The following CRHR1 variants were observed in gnomAD, a reference collection of about 807,000 sequenced individuals.
CRHR1 encodes the protein corticotropin-releasing hormone receptor 1.
CRHR1 carries 28 observed loss-of-function variants against 56.0 expected under a neutral mutation model. That is an observed-to-expected ratio of 0.50 (90% CI 0.37 to 0.69). CRHR1 has a LOEUF of 0.69. CRHR1 is among the 30% of genes least tolerant of loss of function. The pLI, the probability that CRHR1 is intolerant of heterozygous loss-of-function variation, is 0.00. For missense variants in CRHR1, 376 were observed against 548.0 expected (o/e 0.69, Z 3.13); for synonymous variants, 195 against 216.5 (o/e 0.90, Z 0.87).
chr17:45,804,373 G>A (rs916809844), intron 1 of CRHR1, among the ~76,000 whole-genome samples: 5 of 152,128 alleles, frequency 3.3e-5, no homozygotes, highest in Middle Eastern at 3.2e-3. Flanking sequence ...AGGCACTACC[G>A]ACTCGGGGGA....
At chr17:45,833,592 T>A in intron 10 of CRHR1, 55 bp downstream of exon 10, 1 of 1,596,082 alleles carries the variant, frequency 6.3e-7, no homozygotes, top group Non-Finnish European at 8.6e-7. Flanking sequence ...CTGCTCCCCA[T>A]GCCTCTCACG....
At chr17:45,832,382 GC>G (rs2062334048) in intron 8 of CRHR1, among the ~76,000 whole-genome samples, 1 of 152,250 alleles carries the variant, frequency 6.6e-6, no homozygotes, top group East Asian at 1.9e-4. Flanking sequence ...CAGACCAGAG[GC>G]CCGAGGACTG....
At chr17:45,818,964 CT>C (rs1301497103) in intron 3 of CRHR1, among the ~76,000 whole-genome samples, 10 of 152,184 alleles carry the variant, frequency 6.6e-5, no homozygotes, top group African/African-American at 2.2e-4. Context: ...GGCCTGCTTT[CT>C]TTCGGATCAC....
intron 1 of CRHR1, among the ~76,000 whole-genome samples, chr17:45,806,691 G>T (rs2061726412): frequency 6.6e-6 from 1 of 152,170 alleles, no homozygotes; most frequent in Non-Finnish European, 1.5e-5. Context: ...TGGGGATGGA[G>T]GTGGCTTCCT....
chr17:45,817,896 C>T (rs1252103629), intron 3 of CRHR1, among the ~76,000 whole-genome samples: 2 of 152,138 alleles, frequency 1.3e-5, no homozygotes. Context: ...GGCCAGCCCC[C>T]AATATAGTCA....
intron 3 of CRHR1, 131 bp from the exon 4 acceptor site, chr17:45,821,224 C>T (rs2062033219): frequency 1.1e-5 from 9 of 807,334 alleles, no homozygotes; most frequent in Non-Finnish European, 1.7e-5. Flanking sequence ...CCCAGCTTCA[C>T]TACACAACCC....
At chr17:45,804,818 ATTTTTT>A (rs59708339) in intron 1 of CRHR1, among the ~76,000 whole-genome samples, 1 of 144,896 alleles carries the variant, frequency 6.9e-6, no homozygotes, top group African/African-American at 2.5e-5. Flanking sequence ...GCAATAGATA[ATTTTTT>A]TTTTTTTTGA....
intron 4 of CRHR1, among the ~76,000 whole-genome samples, chr17:45,823,727 C>T (rs1349080221): frequency 6.6e-6 from 1 of 152,212 alleles, no homozygotes; most frequent in Admixed American, 6.5e-5. Flanking sequence ...CACTTTCCTT[C>T]ACCTGTAGCT....
chr17:45,784,936 G>C lies in CRHR1; in HGVS notation c.33+359G>C, dbSNP rs923954838. On this transcript the variant is annotated intron_variant, in intron 1 of 12. Transcript: ENST00000314537. This position sits in a 1 kb window ranked among gnomAD's most constrained non-coding sequence, Gnocchi z 4.2. The stretch of plus-strand genomic sequence containing the variant: ...CGCCCTTCCTGCAGACCTCGGCCCC[G>C]GGACTGGAGACTCTGAAGCGGGGTT... 3.3e-5 allele frequency among the ~76,000 whole-genome samples: 5 copies of C among 152,112 alleles called. No homozygotes were observed. The highest frequency in any genetic ancestry group is 5.9e-5 in the Non-Finnish European group (4 of 68,006).
At chr17:45,822,743 C>T (rs1366344981) in intron 4 of CRHR1, among the ~76,000 whole-genome samples, 21 of 151,830 alleles carry the variant, frequency 1.4e-4, no homozygotes, top group South Asian at 2.1e-4. Flanking sequence ...CCCAGCTACA[C>T]GGGAGGCTGA....
At chr17:45,814,780 A>C (rs2143038605) in intron 2 of CRHR1, among the ~76,000 whole-genome samples, 1 of 151,824 alleles carries the variant, frequency 6.6e-6, no homozygotes, top group Non-Finnish European at 1.5e-5. Flanking sequence ...ATTCACAGAG[A>C]CTCCGCTGTG....
At chr17:45,828,978 A>C (rs559302948) in intron 4 of CRHR1, among the ~76,000 whole-genome samples, 37 of 152,278 alleles carry the variant, frequency 2.4e-4, no homozygotes, top group Non-Finnish European at 2.9e-4. Context: ...CGTGATGTGG[A>C]GATTCAGTTC....
chr17:45,818,506 C>A (rs1334946550), intron 3 of CRHR1, among the ~76,000 whole-genome samples: 1 of 152,166 alleles, frequency 6.6e-6, no homozygotes, highest in African/African-American at 2.4e-5. Context: ...TTCTGTGGGC[C>A]TCAGTTTCTA....
At chr17:45,812,404 G>T (rs898435198) in intron 2 of CRHR1, among the ~76,000 whole-genome samples, 1 of 152,220 alleles carries the variant, frequency 6.6e-6, no homozygotes, top group Non-Finnish European at 1.5e-5. Context: ...TGGTAAATTG[G>T]CTTGGCTATT....
chr17:45,831,005 C>T lies in CRHR1; in HGVS notation c.770+65C>T, dbSNP rs1165303467. 5 of 1,496,020 alleles carry T rather than the reference C, an allele frequency of 3.3e-6. No individual in the cohort carries two copies. In the East Asian group the frequency reaches 9.0e-5, roughly 27 times the overall value. 92.7% of individuals were successfully genotyped at this position (1,496,020 alleles called of 1,614,324 possible). Reference sequence around the variant, plus strand: ...GCTCCCAGCCCAGCTTGGTGACACTCCCCACGGGCATTGGCCATGCTGGCT... The same window carrying T: ...GCTCCCAGCCCAGCTTGGTGACACTTCCCACGGGCATTGGCCATGCTGGCT... On this transcript the variant is annotated intron_variant, in intron 8 of 12. Transcript: ENST00000314537.
chr17:45,793,328 G>A (rs2061459709), intron 1 of CRHR1, among the ~76,000 whole-genome samples: 1 of 152,226 alleles, frequency 6.6e-6, no homozygotes, highest in Non-Finnish European at 1.5e-5. Context: ...TTGCTAGAGG[G>A]AATTGTGGCC....
chr17:45,831,280 C>A (rs1340757606), intron 8 of CRHR1, among the ~76,000 whole-genome samples: 1 of 152,234 alleles, frequency 6.6e-6, no homozygotes, highest in Non-Finnish European at 1.5e-5. Flanking sequence ...GGACATGCTA[C>A]TGCCTCAAAG....
At chr17:45,823,170 C>G (rs1484431643) in intron 4 of CRHR1, among the ~76,000 whole-genome samples, 1 of 151,510 alleles carries the variant, frequency 6.6e-6, no homozygotes, top group African/African-American at 2.4e-5. Context: ...TGGAATCTCC[C>G]AGAGCACTTG....
rs2061297562 is a variant in CRHR1 at position 45,784,634 on chromosome 17, G to A, written c.33+57G>A. ...GGCGCCCCCGGCCCCTGGCGGACGC[G>A]GGACGGGGCTGGGCTGTGGGTGTGA... On this transcript the variant is annotated intron_variant, in intron 1 of 12. Coordinates refer to ENST00000314537, the MANE Select transcript of CRHR1 (RefSeq NM_004382.5). This position sits in a 1 kb window ranked among gnomAD's most constrained non-coding sequence, Gnocchi z 4.2. 2 of 1,516,484 alleles carry A rather than the reference G, an allele frequency of 1.3e-6. No individual in the cohort carries two copies. Among genetic ancestry groups the A allele is most frequent in the Admixed American group, 2.0e-5 (1 of 49,022 alleles). The allele number at this position is 1,516,484 out of a possible 1,614,324, so 93.9% of individuals were successfully genotyped here. A position where few individuals can be genotyped will look rare whatever the true frequency, so the allele number is the denominator to read the frequency against.
Sources: allele counts gnomAD v4.1 joint callset (sites outside exome capture counted in the v4.1 genomes callset), GRCh38; gene constraint gnomAD v4.1.1; non-coding constraint Gnocchi (gnomAD v3.1); transcripts MANE v1.5; gene names NCBI Gene and HGNC (gene_info 2026-07-23, HGNC 2026-07-21).